The following YDJC variants were observed in gnomAD, a reference collection of about 807,000 sequenced individuals.
YDJC encodes the protein carbohydrate deacetylase.
YDJC carries 23 observed loss-of-function variants against 18.9 expected under a neutral mutation model. The observed-to-expected ratio is 1.22, with a 90% confidence interval of 0.87 to 1.72. The LOEUF is 1.72. Among genes scored for constraint, YDJC ranks in the 40% most tolerant of loss-of-function variants. The pLI is 0.00. For missense variants in YDJC, 467 were observed against 470.8 expected, an observed-to-expected ratio of 0.99 and a Z score of 0.07; for synonymous variants, 224 against 217.6, an observed-to-expected ratio of 1.03 and a Z score of -0.26.
At chr22:21,629,509 C>A (rs1930401334) in intron 2 of YDJC, 93 bp downstream of exon 2, 2 of 1,579,054 alleles carry the variant, frequency 1.3e-6, no homozygotes, top group South Asian at 1.1e-5. Context: ...ATGCGGAAGT[C>A]ATCCACCGCC....
rs769220948 is a variant in YDJC at position 21,629,033 on chromosome 22, G to A, written c.579C>T (p.Gly193=). 4.5e-5 allele frequency: 67 copies of A among 1,489,370 alleles called. No homozygotes were observed. The African/African-American group carries it at 9.0e-4, about 20-fold the overall frequency. The allele number at this position is 1,489,370 out of a possible 1,614,324, so 92.3% of individuals were successfully genotyped here. A position where few individuals can be genotyped will look rare whatever the true frequency, so the allele number is the denominator to read the frequency against. The change falls in exon 4 of 5, where the codon GGC becomes GGT. Residue 193 remains glycine (G), a synonymous_variant. Transcript: ENST00000292778. Reference sequence around the variant, plus strand: ...ACCGCAGGCCGTGGCGGGAGAAGGGGCCCACGGCGGCCCGGGCGTCGCGCT... The same window carrying A: ...ACCGCAGGCCGTGGCGGGAGAAGGGACCCACGGCGGCCCGGGCGTCGCGCT... ...AVERDARAAV[G]PFSRHGLRWT...
Position 21,628,585 on chromosome 22 carries a change from C to T in YDJC, c.805G>A (p.Glu269Lys), listed in dbSNP as rs770702362. ...EGPDAFSCSW[E>K]RLHELRVLTA... is the part of the protein sequence containing the mutation. ...AGGACGCGCAGCTCATGCAGCCGCT[C>T]CCAAGAGCAAGAGAAAGCGTCGGGG... Residue 269 changes from glutamate to lysine, a missense_variant, in exon 5 of 5, where the codon GAG becomes AAG. By Grantham distance (56) the Glu-to-Lys change is moderately conservative (BLOSUM62 1). Coordinates refer to ENST00000292778, the MANE Select transcript of YDJC (RefSeq NM_001017964.2). 1.2e-6 allele frequency: 2 copies of T among 1,608,018 alleles called. No individual in the cohort carries two copies. Among genetic ancestry groups the T allele is most frequent in the East Asian group, 4.5e-5 (2 of 44,726 alleles).
rs1347506643 is a variant in YDJC, at chr22:21,629,724, C to A, written c.202G>T (p.Glu68Ter). ...CGGGCCGGACCCACGGGGCGGCCCT[C>A]GGACAGGTTGGCGTGGAGGCCCGTG... Reference protein sequence around the residue: ...IPTGLHANLSEGRPVGPARRG... With the variant: ...IPTGLHANLS The change falls in exon 2 of 5, where the codon GAG becomes TAG. Residue 68 changes from glutamate (E) to a stop codon, truncating the protein, a stop_gained. Transcript: ENST00000292778. LOFTEE classifies it high-confidence loss of function. 1 of 1,569,782 alleles carries A rather than the reference C, an allele frequency of 6.4e-7. No homozygotes were observed. Among genetic ancestry groups the A allele is most frequent in the Non-Finnish European group, 8.6e-7 (1 of 1,160,104 alleles).
Position 21,629,118 on chromosome 22 carries a change from C to A in YDJC, c.494G>T (p.Arg165Leu), listed in dbSNP as rs1437047767. 1 of 1,538,160 alleles carries A rather than the reference C, an allele frequency of 6.5e-7. No individual in the cohort carries two copies. The highest frequency in any genetic ancestry group is 2.0e-5 in the Admixed American group (1 of 50,954). Residue 165 changes from arginine (R) to leucine (L), a missense_variant, in exon 4 of 5, where the codon CGC becomes CTC. Arg to Leu is a moderately radical substitution (Grantham distance 102, BLOSUM62 -2). Transcript: ENST00000292778. ...GVRFTRLPLERGVGGCTWLEA... is the reference protein window; with the variant it reads ...GVRFTRLPLELGVGGCTWLEA... ...CAGCCAAGTGCAGCCACCCACACCG[C>A]GCTCCAGCGGCAGTCGCGTAAAGCG...
chr22:21,629,653 G>C lies in YDJC; in HGVS notation c.273C>G (p.Gly91=). The change falls in exon 2 of 5, where the codon GGC becomes GGG. Residue 91 remains glycine (G), a synonymous_variant. Coordinates refer to ENST00000292778, the MANE Select transcript of YDJC (RefSeq NM_001017964.2). ...SLLGPEGFFL[G]KMGFREAVAA... ...CCACCGCCTCCCGGAATCCCATCTT[G>C]CCAAGGAAGAAGCCTTCCGGGCCGA... The C allele has an allele frequency of 6.2e-7, 1 of 1,612,426 alleles. No homozygotes were observed. The highest frequency in any genetic ancestry group is 2.2e-5 in the East Asian group (1 of 44,862).
rs1411135898 is a variant in YDJC at position 21,629,346 on chromosome 22, G to C, written c.386C>G (p.Thr129Arg). 1.3e-6 allele frequency: 2 copies of C among 1,550,352 alleles called. No individual in the cohort carries two copies. The highest frequency in any genetic ancestry group is 1.2e-5 in the South Asian group (1 of 84,062). The stretch of plus-strand genomic sequence containing the variant: ...CACGTGCTGGTGCCCGTCCGCGTGC[G>C]TGGGGGCCCTGCCCAGCAGCTCCCG... ...CFRELLGRAP[T>R]HADGHQHVHV... The change falls in exon 3 of 5, where the codon ACG (threonine) becomes AGG (arginine). Residue 129 changes from threonine to arginine, a missense_variant. Transcript: ENST00000292778.
Position 21,629,466 on chromosome 22 carries a change from C to T in YDJC, c.325-59G>A, listed in dbSNP as rs1181614063. ...GGGAGTAGCTGCCGAGGATACCCTC[C>T]TCGTGCTTCCGTGTGATGGCTCCAG... is the stretch of plus-strand genomic sequence containing the variant. On this transcript the variant is annotated intron_variant, in intron 2 of 4. Transcript: ENST00000292778. 2.0e-6 allele frequency: 3 copies of T among 1,537,706 alleles called. No individual in the cohort carries two copies. In the African/African-American group the frequency reaches 4.1e-5, roughly 21 times the overall value.
At position 21,629,676 on chromosome 22, in the gene YDJC, C is replaced by G. The variant is rs1461948445; in HGVS notation, c.250G>C (p.Gly84Arg). 1 of 1,609,590 alleles carries G rather than the reference C, an allele frequency of 6.2e-7. No homozygotes were observed. The highest frequency in any genetic ancestry group is 8.5e-7 in the Non-Finnish European group (1 of 1,178,842). Residue 84 changes from glycine to arginine, a missense_variant, in exon 2 of 5, where the codon GGC (glycine) becomes CGC (arginine). Gly to Arg is a moderately radical substitution (Grantham distance 125). Transcript: ENST00000292778. ...TTGCCAAGGAAGAAGCCTTCCGGGCCGAGCAGCGATGAGGCGCCACGGCGG... is the reference window on the plus strand; with the variant it reads ...TTGCCAAGGAAGAAGCCTTCCGGGCGGAGCAGCGATGAGGCGCCACGGCGG... Reference protein sequence around the residue: ...PARRGASSLLGPEGFFLGKMG... With the variant: ...PARRGASSLLRPEGFFLGKMG...
Position 21,628,688 on chromosome 22 carries a change from C to T in YDJC, c.702G>A (p.Ala234=), listed in dbSNP as rs769041845. The T allele has an allele frequency of 2.3e-5, 35 of 1,553,646 alleles. No individual in the cohort carries two copies. In the Middle Eastern group the frequency reaches 1.2e-3, roughly 55 times the overall value. Residue 234 remains alanine (A), a synonymous_variant, in exon 5 of 5, where the codon GCG becomes GCA. Coordinates refer to ENST00000292778, the MANE Select transcript of YDJC (RefSeq NM_001017964.2). ...TCAGCTCGGCTGTCAGGGTGTGGCC[C>T]GCTAGGGTACCTTCCAGGACCCGCG... is the stretch of plus-strand genomic sequence containing the variant. ...ALARVLEGTL[A]GHTLTAELMA...
In YDJC at chr22:21,629,389, C is replaced by A; in HGVS notation, c.343G>T (p.Ala115Ser). The A allele has an allele frequency of 6.5e-7, 1 of 1,548,574 alleles. No individual in the cohort carries two copies. The highest frequency in any genetic ancestry group is 8.7e-7 in the Non-Finnish European group (1 of 1,146,788). ...DLPQVREELE[A>S]QLSCFRELLG... Reference sequence around the variant, plus strand: ...AGCTCCCGGAAGCAGCTTAGTTGGGCCTCGAGCTCCTCCCGCACCTAGAGG... The same window carrying A: ...AGCTCCCGGAAGCAGCTTAGTTGGGACTCGAGCTCCTCCCGCACCTAGAGG... The change falls in exon 3 of 5, where the codon GCC (alanine) becomes TCC (serine). Residue 115 changes from alanine to serine, a missense_variant. Coordinates refer to ENST00000292778, the MANE Select transcript of YDJC (RefSeq NM_001017964.2).
rs1035894347 is a variant in YDJC at position 21,629,657 on chromosome 22, A to C, written c.269T>G (p.Leu90Arg). 2.5e-6 allele frequency: 4 copies of C among 1,612,130 alleles called. No individual in the cohort carries two copies. In the African/African-American group the frequency reaches 5.3e-5, roughly 22 times the overall value. Reference sequence around the variant, plus strand: ...CGCCTCCCGGAATCCCATCTTGCCAAGGAAGAAGCCTTCCGGGCCGAGCAG... The same window carrying C: ...CGCCTCCCGGAATCCCATCTTGCCACGGAAGAAGCCTTCCGGGCCGAGCAG... ...SSLLGPEGFFLGKMGFREAVA... is the reference protein window; with the variant it reads ...SSLLGPEGFFRGKMGFREAVA... Residue 90 changes from leucine (L) to arginine (R), a missense_variant, in exon 2 of 5, where the codon CTT (leucine) becomes CGT (arginine). Transcript: ENST00000292778.
rs902921095 is a variant in YDJC, at chr22:21,629,079, C to G, written c.533G>C (p.Arg178Pro). Reference sequence around the variant, plus strand: ...GCGCTCCACGGCGCAGGCGAAGGCACGCGCGGGGGCCTCCAGCCAAGTGCA... The same window carrying G: ...GCGCTCCACGGCGCAGGCGAAGGCAGGCGCGGGGGCCTCCAGCCAAGTGCA... ...GGCTWLEAPA[R>P]AFACAVERDA... Residue 178 changes from arginine (R) to proline (P), a missense_variant, in exon 4 of 5, where the codon CGT becomes CCT. Coordinates refer to ENST00000292778, the MANE Select transcript of YDJC (RefSeq NM_001017964.2). The G allele has an allele frequency of 2.6e-6, 4 of 1,533,978 alleles. No homozygotes were observed. The highest frequency in any genetic ancestry group is 2.0e-5 in the Admixed American group (1 of 50,712).
chr22:21,629,994 G>C lies in YDJC; in HGVS notation c.21C>G (p.Arg7=), dbSNP rs777689346. 2 of 1,599,532 alleles carry C rather than the reference G, an allele frequency of 1.3e-6. No individual in the cohort carries two copies. The highest frequency in any genetic ancestry group is 1.7e-5 in the Admixed American group (1 of 59,568). The part of the protein sequence containing the change: MSRPRM[R]LVVTADDFGY... ...CAAAGTCGTCCGCGGTGACCACCAG[G>C]CGCATGCGAGGGCGGGACATGGCCG... The change falls in exon 1 of 5, where the codon CGC becomes CGG. Residue 7 remains arginine, a synonymous_variant. Transcript: ENST00000292778.
Position 21,629,364 on chromosome 22 carries a change from A to G in YDJC, c.368T>C (p.Leu123Pro), listed in dbSNP as rs1425669975. The change falls in exon 3 of 5, where the codon CTG becomes CCG. Residue 123 changes from leucine (L) to proline (P), a missense_variant. Physicochemically the swap from Leu to Pro is moderately conservative, Grantham distance 98. Transcript: ENST00000292778. ...LEAQLSCFRE[L>P]LGRAPTHADG... ...CGCGTGCGTGGGGGCCCTGCCCAGC[A>G]GCTCCCGGAAGCAGCTTAGTTGGGC... is the stretch of plus-strand genomic sequence containing the variant. 2 of 1,549,954 alleles carry G rather than the reference A, an allele frequency of 1.3e-6. No individual in the cohort carries two copies. Among genetic ancestry groups the G allele is most frequent in the South Asian group, 1.2e-5 (1 of 84,054 alleles).
Position 21,628,992 on chromosome 22 carries a change from CG to C in YDJC, c.602+17del. The C allele has an allele frequency of 6.9e-7, 1 of 1,450,930 alleles. No homozygotes were observed. Among genetic ancestry groups the C allele is most frequent in the Non-Finnish European group, 9.0e-7 (1 of 1,111,164 alleles). 89.9% of individuals were successfully genotyped at this position (1,450,930 alleles called of 1,614,324 possible). On this transcript the variant is annotated intron_variant, in intron 4 of 4. Coordinates refer to ENST00000292778, the MANE Select transcript of YDJC (RefSeq NM_001017964.2). Reference sequence around the variant, plus strand: ...GGACAGAGGCAGCTATGGTAGGAGACGGGGCGGGGAGCCTCACCGCAGGCCG... The same window carrying C: ...GGACAGAGGCAGCTATGGTAGGAGACGGGCGGGGAGCCTCACCGCAGGCCG...
chr22:21,628,637 C>T lies in YDJC; in HGVS notation c.753G>A (p.Val251=). 2 of 1,589,340 alleles carry T rather than the reference C, an allele frequency of 1.3e-6. No individual in the cohort carries two copies. Among genetic ancestry groups the T allele is most frequent in the African/African-American group, 2.7e-5 (2 of 74,500 alleles). ...CTTCACCGCAGCCGCCGGTGGGAGGCACACTGGGGTAGCCGGGGTGCGCCA... is the reference window on the plus strand; with the variant it reads ...CTTCACCGCAGCCGCCGGTGGGAGGTACACTGGGGTAGCCGGGGTGCGCCA... The part of the protein sequence containing the change: ...ELMAHPGYPS[V]PPTGGCGEGP... Residue 251 remains valine (V), a synonymous_variant, in exon 5 of 5, where the codon GTG becomes GTA. Coordinates refer to ENST00000292778, the MANE Select transcript of YDJC (RefSeq NM_001017964.2).
At chr22:21,628,897 C>T in intron 4 of YDJC, 110 bp from the exon 5 acceptor site, 1 of 1,415,844 alleles carries the variant, frequency 7.1e-7, no homozygotes, top group Non-Finnish European at 9.2e-7. Flanking sequence ...GTGGCGGCAG[C>T]GGTCGACGCC....
chr22:21,628,342 T>C lies in YDJC; in HGVS notation c.*76A>G. 6.8e-7 allele frequency: 1 copy of C among 1,463,928 alleles called. No homozygotes were observed. The highest frequency in any genetic ancestry group is 9.1e-7 in the Non-Finnish European group (1 of 1,101,448). 90.7% of individuals were successfully genotyped at this position (1,463,928 alleles called of 1,614,324 possible). On this transcript the variant is annotated 3_prime_UTR_variant, in exon 5 of 5. Coordinates refer to ENST00000292778, the MANE Select transcript of YDJC (RefSeq NM_001017964.2). ...CAGATCGTGCTCCAGGTCCCAGCTCTGGGCTGGGCCAGGACTAAATCCTGG... is the reference window on the plus strand; with the variant it reads ...CAGATCGTGCTCCAGGTCCCAGCTCCGGGCTGGGCCAGGACTAAATCCTGG...
chr22:21,629,346 G>T lies in YDJC; in HGVS notation c.386C>A (p.Thr129Lys), dbSNP rs1411135898. 3 of 1,550,234 alleles carry T rather than the reference G, an allele frequency of 1.9e-6. No individual in the cohort carries two copies. Among genetic ancestry groups the T allele is most frequent in the Non-Finnish European group, 1.7e-6 (2 of 1,146,936 alleles). The change falls in exon 3 of 5, where the codon ACG becomes AAG. Residue 129 changes from threonine (T) to lysine (K), a missense_variant. Transcript: ENST00000292778. ...CFRELLGRAP[T>K]HADGHQHVHV... ...CACGTGCTGGTGCCCGTCCGCGTGC[G>T]TGGGGGCCCTGCCCAGCAGCTCCCG...
Sources: allele counts gnomAD v4.1 joint callset, GRCh38; gene constraint gnomAD v4.1.1; transcripts MANE v1.5; gene names NCBI Gene and HGNC (gene_info 2026-07-23, HGNC 2026-07-21).